CHST11: variants seen among roughly 807,000 people sequenced by gnomAD.
CHST11 encodes carbohydrate sulfotransferase 11, also known as C4S-1.
In CHST11, 9 loss-of-function variants were observed where a neutral mutation model predicts 30.4. The ratio of observed to expected loss-of-function variants is 0.30; its 90% confidence interval spans 0.18 to 0.52. The LOEUF (loss-of-function observed/expected upper bound fraction) is 0.52, where lower values mean the gene tolerates loss of function less well. Among genes scored for constraint, CHST11 ranks in the 20% least tolerant of loss-of-function variants. The pLI is 0.97. For synonymous variants in CHST11, 152 were observed against 187.8 expected (o/e 0.81, Z 1.56); for missense variants, 348 against 460.6 (o/e 0.76, Z 2.24).
At chr12:104,496,553 A>T (rs1364589804) in intron 1 of CHST11, among the ~76,000 whole-genome samples, 1 of 152,196 alleles carries the variant, frequency 6.6e-6, no homozygotes, top group African/African-American at 2.4e-5. Context: ...GACCAATTCC[A>T]CACTCACATC....
At chr12:104,700,728 G>A (rs903298074) in intron 2 of CHST11, among the ~76,000 whole-genome samples, 5 of 152,094 alleles carry the variant, frequency 3.3e-5, no homozygotes, top group Non-Finnish European at 5.9e-5. Context: ...AGGTATTATT[G>A]GATATCACCC....
intron 2 of CHST11, among the ~76,000 whole-genome samples, chr12:104,702,542 A>G (rs1230915137): frequency 6.6e-6 from 1 of 151,996 alleles, no homozygotes; most frequent in Admixed American, 6.6e-5. Flanking sequence ...TGTGATGTTG[A>G]CTGATGGGAC....
chr12:104,485,524 G>A (rs1014484565), intron 1 of CHST11, among the ~76,000 whole-genome samples: 3 of 152,144 alleles, frequency 2.0e-5, no homozygotes, highest in African/African-American at 7.2e-5. Context: ...TCTGCTCACC[G>A]CAGAGGGTGA....
chr12:104,756,891 A>G (rs1309129947), intron 2 of CHST11, 58 bp from the exon 3 acceptor site: 5 of 1,552,822 alleles, frequency 3.2e-6, no homozygotes, highest in Admixed American at 3.6e-5. Context: ...ACTTGTAGCC[A>G]AGTGGAAATG....
At chr12:104,462,167 C>CAAAAAAAAAAAA (rs796356338) in intron 1 of CHST11, among the ~76,000 whole-genome samples, 3 of 65,562 alleles carry the variant, frequency 4.6e-5, no homozygotes, top group Non-Finnish European at 6.6e-5. Context: ...AACACCATCT[C>CAAAAAAAAAAAA]AAAAAAAAAA....
chr12:104,476,971 G>C (rs889160144), intron 1 of CHST11, among the ~76,000 whole-genome samples: 7 of 152,046 alleles, frequency 4.6e-5, no homozygotes, highest in African/African-American at 1.7e-4. Flanking sequence ...AGCCAAGGAA[G>C]GTAAGGAGAG....
intron 2 of CHST11, among the ~76,000 whole-genome samples, chr12:104,678,980 C>G (rs1285859555): frequency 6.6e-6 from 1 of 152,126 alleles, no homozygotes; most frequent in East Asian, 1.9e-4. Flanking sequence ...AGTCTCGCCG[C>G]TATTTTTATC....
At chr12:104,601,505 G>A (rs1476234095) in intron 1 of CHST11, among the ~76,000 whole-genome samples, 1 of 152,222 alleles carries the variant, frequency 6.6e-6, no homozygotes. Context: ...AGGAATGAAA[G>A]GTCATTGACT....
chr12:104,585,090 G>C (rs71440862), intron 1 of CHST11, among the ~76,000 whole-genome samples: 1 of 152,198 alleles, frequency 6.6e-6, no homozygotes, highest in Non-Finnish European at 1.5e-5. Flanking sequence ...TAGGGGTTTT[G>C]GTCCATGGAT....
chr12:104,706,143 G>A (rs1040733919), intron 2 of CHST11, among the ~76,000 whole-genome samples: 34 of 152,034 alleles, frequency 2.2e-4, no homozygotes, highest in African/African-American at 7.5e-4. Context: ...CAGCACTTTG[G>A]GAGGCCGAGG....
At chr12:104,564,066 C>G (rs904277237) in intron 1 of CHST11, among the ~76,000 whole-genome samples, 1 of 152,218 alleles carries the variant, frequency 6.6e-6, no homozygotes, top group East Asian at 1.9e-4. Flanking sequence ...TCAGTCTCTG[C>G]CCCTAGGAGC....
rs74754728 is a variant in CHST11, at chr12:104,499,588, C to T, written c.118+42059C>T. 0.01 allele frequency among the ~76,000 whole-genome samples: 1,551 copies of T among 152,150 alleles called. 41 individuals carry two copies. In the East Asian group the frequency reaches 0.12, roughly 12 times the overall value. Reference sequence around the variant, plus strand: ...CTTTGATAAATAGATACAAATTCATCCTGGTGGGTCATGAGTGGAAAGAAA... The same window carrying T: ...CTTTGATAAATAGATACAAATTCATTCTGGTGGGTCATGAGTGGAAAGAAA... On this transcript the variant is annotated intron_variant, in intron 1 of 2. Coordinates refer to ENST00000303694, the MANE Select transcript of CHST11 (RefSeq NM_018413.6).
chr12:104,471,818 A>G (rs1010308056), intron 1 of CHST11, among the ~76,000 whole-genome samples: 1 of 152,212 alleles, frequency 6.6e-6, no homozygotes, highest in Non-Finnish European at 1.5e-5. Flanking sequence ...TTTACAGGAC[A>G]TCTAAATTCA....
chr12:104,459,078 C>A (rs940369578), intron 1 of CHST11, among the ~76,000 whole-genome samples: 7 of 152,212 alleles, frequency 4.6e-5, no homozygotes, highest in African/African-American at 1.7e-4. Flanking sequence ...TCCGAGCCAG[C>A]CCTGTTAAAG....
intron 2 of CHST11, among the ~76,000 whole-genome samples, chr12:104,606,607 A>G (rs545146807): frequency 2.0e-5 from 3 of 152,302 alleles, no homozygotes; most frequent in South Asian, 4.1e-4. Flanking sequence ...GCTAGGTTGC[A>G]GGATGAGGAG....
intron 2 of CHST11, among the ~76,000 whole-genome samples, chr12:104,644,109 C>G (rs2039404160): frequency 6.6e-6 from 1 of 152,156 alleles, no homozygotes; most frequent in Admixed American, 6.5e-5. Context: ...ACTGCTTCCT[C>G]TGAAGAGAGG....
chr12:104,757,676 C>T lies in CHST11; in HGVS notation c.932C>T (p.Thr311Ile). The T allele has an allele frequency of 6.2e-7, 1 of 1,614,152 alleles. No homozygotes were observed. The highest frequency in any genetic ancestry group is 8.5e-7 in the Non-Finnish European group (1 of 1,180,036). ...ACCTATGCAAAGTCTACGAGAACTACTGATGAAATGACCACAGAATTCTTC... is the reference window on the plus strand; with the variant it reads ...ACCTATGCAAAGTCTACGAGAACTATTGATGAAATGACCACAGAATTCTTC... Reference protein sequence around the residue: ...FPTYAKSTRTTDEMTTEFFQN... With the variant: ...FPTYAKSTRTIDEMTTEFFQN... Residue 311 changes from threonine (T) to isoleucine (I), a missense_variant, in exon 3 of 3, where the codon ACT (threonine) becomes ATT (isoleucine). Transcript: ENST00000303694. This position sits in a 1 kb window ranked among gnomAD's most constrained non-coding sequence, Gnocchi z 6.5.
intron 1 of CHST11, among the ~76,000 whole-genome samples, chr12:104,466,780 A>T (rs553768521): frequency 1.6e-4 from 25 of 152,376 alleles, no homozygotes; most frequent in African/African-American, 4.6e-4. Context: ...TAATTTCTGC[A>T]TATTACTACC....
chr12:104,648,253 G>A (rs780148306), intron 2 of CHST11, among the ~76,000 whole-genome samples: 13 of 152,082 alleles, frequency 8.5e-5, no homozygotes, highest in East Asian at 1.9e-4. Context: ...GTACATTCCC[G>A]AAAACCTTAG....
Sources: gnomAD v4.1 joint callset for allele counts (sites outside exome capture counted in the v4.1 genomes callset) on GRCh38, gnomAD v4.1.1 for gene constraint, Gnocchi (gnomAD v3.1) non-coding constraint, MANE v1.5 for transcripts, NCBI Gene and HGNC (gene_info 2026-07-23, HGNC 2026-07-21) for gene names.